LTBP1: variants seen among roughly 807,000 people sequenced by gnomAD.
LTBP1 encodes latent transforming growth factor beta binding protein 1, also known as latent-transforming growth factor beta-binding protein 1.
In LTBP1, 129 loss-of-function variants were observed where a neutral mutation model predicts 207.6. The ratio of observed to expected loss-of-function variants is 0.62; its 90% CI spans 0.54 to 0.72. LTBP1 has a LOEUF of 0.72. Ranked by LOEUF, LTBP1 falls within the 30% of genes least tolerant of loss-of-function variation. The pLI, the probability that LTBP1 is intolerant of heterozygous loss-of-function variation, is 0.00. For missense variants in LTBP1, 2,281 were observed against 2,217.2 expected (o/e 1.03, Z -0.58); for synonymous variants, 963 against 833.7 (o/e 1.16, Z -2.67).
rs749225896 is a variant in LTBP1, at chr2:33,077,159, C to G, written c.864-33423C>G. ...GAGAATGTTCCATATAAGCTTCACA[C>G]ACTGACAACCTGGGCAGTGCTATGC... is the stretch of plus-strand genomic sequence containing the variant. On this transcript the variant is annotated intron_variant, in intron 3 of 33. Transcript: ENST00000404816. Among the ~76,000 whole-genome samples, 5 of 152,312 alleles carry G rather than the reference C, an allele frequency of 3.3e-5. No individual in the cohort carries two copies. In the East Asian group the frequency reaches 9.6e-4, roughly 29 times the overall value.
intron 3 of LTBP1, among the ~76,000 whole-genome samples, chr2:33,022,207 A>G (rs368914330): frequency 2.0e-5 from 3 of 149,048 alleles, no homozygotes; most frequent in African/African-American, 7.4e-5. Context: ...CGAATAGACC[A>G]CCTACTGTTT....
At chr2:32,961,051 A>C (rs1303372867) in intron 2 of LTBP1, among the ~76,000 whole-genome samples, 1 of 152,230 alleles carries the variant, frequency 6.6e-6, no homozygotes, top group Non-Finnish European at 1.5e-5. Flanking sequence ...TAAAGAAAAT[A>C]AAGGATTTAG....
chr2:33,189,480 G>A (rs1277707364), intron 7 of LTBP1, among the ~76,000 whole-genome samples: 2 of 152,220 alleles, frequency 1.3e-5, no homozygotes, highest in Non-Finnish European at 2.9e-5. Flanking sequence ...ATAGGCATGA[G>A]CTACCATGCC....
chr2:33,292,262 G>C (rs1205691868), intron 19 of LTBP1, among the ~76,000 whole-genome samples: 2 of 152,150 alleles, frequency 1.3e-5, no homozygotes, highest in East Asian at 1.9e-4. Context: ...TATAAATGCT[G>C]TGTTAGCAAA....
At chr2:33,332,971 A>G (rs1174451491) in intron 24 of LTBP1, 1 of 152,212 alleles carries the variant, frequency 6.6e-6, no homozygotes, top group African/African-American at 2.4e-5. Context: ...CCTCATTAGT[A>G]CTTGGATGGG....
chr2:33,173,947 A>G (rs2085741506), intron 5 of LTBP1, among the ~76,000 whole-genome samples: 1 of 141,602 alleles, frequency 7.1e-6, no homozygotes, highest in African/African-American at 2.5e-5. Context: ...CTTTGACAAA[A>G]TTCAACAACG....
intron 3 of LTBP1, among the ~76,000 whole-genome samples, chr2:33,047,942 C>CT (rs945798143): frequency 2.6e-4 from 39 of 150,160 alleles, no homozygotes; most frequent in African/African-American, 5.7e-4. Flanking sequence ...GCAACCTCTG[C>CT]TTTTTTTTTT....
chr2:33,109,229 T>C (rs189504321), intron 3 of LTBP1, among the ~76,000 whole-genome samples: 1 of 152,368 alleles, frequency 6.6e-6, no homozygotes, highest in Non-Finnish European at 1.5e-5. Flanking sequence ...GCTTTTGATA[T>C]GAGACATTGT....
At chr2:33,195,978 A>G (rs2088505838) in intron 7 of LTBP1, among the ~76,000 whole-genome samples, 1 of 152,142 alleles carries the variant, frequency 6.6e-6, no homozygotes, top group Non-Finnish European at 1.5e-5. Context: ...TCCGATGATT[A>G]TTAGCATTTT....
intron 2 of LTBP1, among the ~76,000 whole-genome samples, chr2:33,003,769 G>C (rs1032543147): frequency 6.6e-6 from 1 of 152,158 alleles, no homozygotes; most frequent in African/African-American, 2.4e-5. Context: ...AAATAGAGCT[G>C]GGAGAGGCCA....
At chr2:33,373,540 CTG>C (rs1393374180) in intron 31 of LTBP1, among the ~76,000 whole-genome samples, 2 of 152,158 alleles carry the variant, frequency 1.3e-5, no homozygotes, top group African/African-American at 4.8e-5. Context: ...GAAAGGTAGA[CTG>C]TGCTATAGGG....
At chr2:33,151,337 A>G (rs1438726223) in intron 5 of LTBP1, among the ~76,000 whole-genome samples, 1 of 152,178 alleles carries the variant, frequency 6.6e-6, no homozygotes, top group African/African-American at 2.4e-5. Context: ...ACTGTTTTCC[A>G]CAGAGGCTGT....
At chr2:33,125,614 C>T (rs919074960) in intron 4 of LTBP1, among the ~76,000 whole-genome samples, 4 of 151,882 alleles carry the variant, frequency 2.6e-5, no homozygotes, top group Admixed American at 6.6e-5. Flanking sequence ...GGGTGGATCA[C>T]GAGGTCAGGA....
rs77548335 is a variant in LTBP1, at chr2:33,134,466, A to G, written c.1034-327A>G. ...CTCTTTAATCTGTCGTGCCCTCGGT[A>G]TTGCTCTTTGTCTGCCCGTGAATAA... On this transcript the variant is annotated intron_variant, in intron 4 of 33. Coordinates refer to ENST00000404816, the MANE Select transcript of LTBP1 (RefSeq NM_206943.4). This position sits in a 1 kb window ranked among gnomAD's most constrained non-coding sequence, Gnocchi z 4.4. 0.025 allele frequency: 25,239 copies of G among 1,028,670 alleles called. 387 individuals are homozygous for G. Among genetic ancestry groups the G allele is most frequent in the Middle Eastern group, 0.028 (128 of 4,512 alleles). 63.7% of individuals were successfully genotyped at this position (1,028,670 alleles called of 1,614,324 possible). A position where few individuals can be genotyped will look rare whatever the true frequency, so the allele number is the denominator to read the frequency against.
chr2:33,211,739 C>T (rs1453194875), intron 7 of LTBP1, among the ~76,000 whole-genome samples: 1 of 152,202 alleles, frequency 6.6e-6, no homozygotes, highest in Non-Finnish European at 1.5e-5. Flanking sequence ...CTTATGAAAC[C>T]ATATTCCACC....
At chr2:33,050,128 G>A (rs1415326488) in intron 3 of LTBP1, among the ~76,000 whole-genome samples, 1 of 61,036 alleles carries the variant, frequency 1.6e-5, no homozygotes, top group Non-Finnish European at 5.6e-5. Context: ...ATAGGCGTAA[G>A]CATTTTTTTT....
intron 5 of LTBP1, among the ~76,000 whole-genome samples, chr2:33,139,665 C>G (rs906218787): frequency 2.0e-5 from 3 of 151,910 alleles, no homozygotes; most frequent in Non-Finnish European, 4.4e-5. Flanking sequence ...TGAAGGGAGA[C>G]GTGGAACTTG....
In LTBP1 at chr2:32,947,209, T is replaced by G; in HGVS notation, c.-116T>G. The G allele has an allele frequency of 1.2e-6, 1 of 810,698 alleles. No homozygotes were observed. Among genetic ancestry groups the G allele is most frequent in the Non-Finnish European group, 1.6e-6 (1 of 612,276 alleles). 50.2% of individuals were successfully genotyped at this position (810,698 alleles called of 1,614,324 possible). ...GCCACCGACTTGGTCTCCTCCCGCCTTTCCCGGGCTCTCGGCAGCTCTCGG... is the reference window on the plus strand; with the variant it reads ...GCCACCGACTTGGTCTCCTCCCGCCGTTCCCGGGCTCTCGGCAGCTCTCGG... On this transcript the variant is annotated 5_prime_UTR_variant, in exon 1 of 34. Coordinates refer to ENST00000404816, the MANE Select transcript of LTBP1 (RefSeq NM_206943.4).
At chr2:33,055,884 T>A (rs1254845928) in intron 3 of LTBP1, among the ~76,000 whole-genome samples, 1 of 152,176 alleles carries the variant, frequency 6.6e-6, no homozygotes, top group Non-Finnish European at 1.5e-5. Context: ...CTTTGCTTAT[T>A]TCCTTCTGGG....
Sources: allele counts gnomAD v4.1 joint callset (sites outside exome capture counted in the v4.1 genomes callset), GRCh38; gene constraint gnomAD v4.1.1; non-coding constraint Gnocchi (gnomAD v3.1); transcripts MANE v1.5; gene names NCBI Gene and HGNC (gene_info 2026-07-23, HGNC 2026-07-21).